Variants in TRIM66 observed in about 807,000 individuals in gnomAD.
TRIM66 encodes tripartite motif-containing protein 66.
TRIM66 carries 99 observed loss-of-function variants against 148.2 expected under a neutral mutation model. The observed-to-expected ratio is 0.67, with a 90% confidence interval of 0.57 to 0.79. TRIM66 has a LOEUF of 0.79. TRIM66 is among the 30% of genes least tolerant of loss of function. The probability of loss-of-function intolerance (pLI) is 0.00; values close to 1 mark genes in which losing one functional copy is unlikely to be tolerated. For synonymous variants in TRIM66, 616 were observed against 635.9 expected (o/e 0.97, Z 0.47); for missense variants, 1,666 against 1,697.9 (o/e 0.98, Z 0.33).
Position 8,620,560 on chromosome 11 carries a change from C to T in TRIM66, c.3558G>A (p.Val1186=), listed in dbSNP as rs1280387721. ...ALLSFPGGEW[V]CTLCRSLTQP... ...GGGTCAGGCTGCGGCACAAGGTACA[C>T]ACCCACTCTCCCCTGCAGGGGCAGG... The change falls in exon 21 of 25, where the codon GTG becomes GTA. Residue 1186 remains valine, a synonymous_variant. Coordinates refer to ENST00000646038, the MANE Select transcript of TRIM66 (RefSeq NM_001388022.1). 2 of 1,551,750 alleles carry T rather than the reference C, an allele frequency of 1.3e-6. No individual in the cohort carries two copies. Among genetic ancestry groups the T allele is most frequent in the East Asian group, 2.4e-5 (1 of 40,914 alleles).
chr11:8,681,227 G>A (rs571703858), intron 1 of TRIM66, among the ~76,000 whole-genome samples: 4 of 151,044 alleles, frequency 2.6e-5, no homozygotes, highest in Non-Finnish European at 5.9e-5. Context: ...TCCGCCTCCC[G>A]GGTTCACGCC....
At chr11:8,682,802 T>G, upstream of TRIM66, 1 of 1,613,424 alleles carries the variant, frequency 6.2e-7, no homozygotes, top group Non-Finnish European at 8.5e-7. Context: ...CTTTTTCGTC[T>G]GGGCTGCCAA....
Position 8,617,900 on chromosome 11 carries a change from G to C in TRIM66, c.*44C>G. The C allele has an allele frequency of 6.5e-7, 1 of 1,538,370 alleles. No homozygotes were observed. The highest frequency in any genetic ancestry group is 8.8e-7 in the Non-Finnish European group (1 of 1,134,838). On this transcript the variant is annotated 3_prime_UTR_variant, in exon 25 of 25. Coordinates refer to ENST00000646038, the MANE Select transcript of TRIM66 (RefSeq NM_001388022.1). ...GCAAGATGGGGAGGAATGGTCGACA[G>C]TATGGGACAACAGCTGCCAGAGTGC...
intron 17 of TRIM66, among the ~76,000 whole-genome samples, chr11:8,624,064 C>T (rs1294646109): frequency 3.3e-5 from 5 of 152,184 alleles, no homozygotes; most frequent in Non-Finnish European, 7.3e-5. Flanking sequence ...GGCTAGCCCT[C>T]CTGGGCTGAG....
At chr11:8,680,843 GA>G (rs2133584223) in intron 1 of TRIM66, 1 of 152,386 alleles carries the variant, frequency 6.6e-6, no homozygotes, top group Admixed American at 6.5e-5. Context: ...GGAAGAACCT[GA>G]AAAGAAGACT....
chr11:8,662,336 T>C (rs1017368560), intron 6 of TRIM66, among the ~76,000 whole-genome samples: 8 of 152,188 alleles, frequency 5.3e-5, no homozygotes, highest in Non-Finnish European at 8.8e-5. Context: ...TTAAGATAAG[T>C]GTCATTTCCC....
intron 6 of TRIM66, among the ~76,000 whole-genome samples, chr11:8,652,294 G>A (rs2037425235): frequency 6.6e-6 from 1 of 152,120 alleles, no homozygotes; most frequent in Admixed American, 6.5e-5. Context: ...AGTCAGTTTA[G>A]TCTGGGCACA....
At chr11:8,642,508 G>A (rs1185600479) in intron 13 of TRIM66, among the ~76,000 whole-genome samples, 1 of 152,098 alleles carries the variant, frequency 6.6e-6, no homozygotes, top group African/African-American at 2.4e-5. Context: ...CAGCAGGGAA[G>A]AAAAATGCAC....
In TRIM66 at chr11:8,671,605, T is replaced by C. The variant is rs898350643; in HGVS notation, c.340+181A>G. ...GAAAAGTTCCAGCTTACAAAACAGA[T>C]ATATTAGGCATCAAGAGGATTCACT... On this transcript the variant is annotated intron_variant, in intron 6 of 24. Coordinates refer to ENST00000646038, the MANE Select transcript of TRIM66 (RefSeq NM_001388022.1). 5 of 580,558 alleles carry C rather than the reference T, an allele frequency of 8.6e-6. No individual in the cohort carries two copies. In the African/African-American group the frequency reaches 9.3e-5, roughly 11 times the overall value. 36.0% of individuals were successfully genotyped at this position (580,558 alleles called of 1,614,324 possible).
intron 12 of TRIM66, chr11:8,644,254 C>G (rs917692054): frequency 4.3e-5 from 15 of 347,366 alleles, no homozygotes; most frequent in African/African-American, 3.2e-4. Flanking sequence ...TCCAGCCATA[C>G]CAAAGCCATG....
chr11:8,624,757 G>A lies in TRIM66; in HGVS notation c.2782C>T (p.Pro928Ser). The change falls in exon 16 of 25, where the codon CCC becomes TCC. Residue 928 changes from proline (P) to serine (S), a missense_variant. Physicochemically the swap from Pro to Ser is moderately conservative, Grantham distance 74. Around this residue, in one of 3 missense-constraint regions of TRIM66, gnomAD observed 1,431 missense variants for 1,412.4 expected, o/e 1.01. Transcript: ENST00000646038. ...SSGRTSGSLC[P>S]RDGADPSLEN... is the part of the protein sequence containing the mutation. ...AGGGAGGGATCAGCCCCATCTCTGG[G>A]ACACAGGCTCCCTGAAGTTCGGCCA... The A allele has an allele frequency of 6.5e-7, 1 of 1,547,048 alleles. No homozygotes were observed. The highest frequency in any genetic ancestry group is 1.2e-5 in the South Asian group (1 of 83,386).
intron 24 of TRIM66, among the ~76,000 whole-genome samples, chr11:8,618,345 AG>A (rs769832153): frequency 3.3e-5 from 5 of 152,200 alleles, no homozygotes; most frequent in Non-Finnish European, 5.9e-5. Context: ...ACCTACACCA[AG>A]GGGCTAAGAA....
At chr11:8,643,968 T>C (rs1376926875) in intron 12 of TRIM66, among the ~76,000 whole-genome samples, 2 of 152,216 alleles carry the variant, frequency 1.3e-5, no homozygotes, top group African/African-American at 4.8e-5. Context: ...TAGCCTCTCA[T>C]TTCATTGATC....
chr11:8,641,006 A>C lies in TRIM66; in HGVS notation c.1369T>G (p.Ser457Ala), dbSNP rs1269347108. Reference sequence around the variant, plus strand: ...ACAGATGAGGAGCACACTGCTGGAGACTGGAACTTGTGTGAGGGGTGGCTA... The same window carrying C: ...ACAGATGAGGAGCACACTGCTGGAGCCTGGAACTTGTGTGAGGGGTGGCTA... ...ALSHPSHKFQ[S>A]PAVCSSSVCC... Residue 457 changes from serine (S) to alanine (A), a missense_variant, in exon 14 of 25, where the codon TCT becomes GCT. Around this residue, in one of 3 missense-constraint regions of TRIM66, gnomAD observed 1,431 missense variants for 1,412.4 expected, o/e 1.01. Coordinates refer to ENST00000646038, the MANE Select transcript of TRIM66 (RefSeq NM_001388022.1). The C allele has an allele frequency of 1.5e-5, 24 of 1,551,316 alleles. No homozygotes were observed. In the East Asian group the frequency reaches 5.9e-4, roughly 38 times the overall value.
At chr11:8,667,278 G>A (rs2038662195) in intron 6 of TRIM66, among the ~76,000 whole-genome samples, 1 of 152,150 alleles carries the variant, frequency 6.6e-6, no homozygotes, top group South Asian at 2.1e-4. Context: ...AAATATTTAT[G>A]ACATTGGATT....
At chr11:8,662,690 T>C (rs1383438701) in intron 6 of TRIM66, among the ~76,000 whole-genome samples, 3 of 152,204 alleles carry the variant, frequency 2.0e-5, no homozygotes, top group African/African-American at 7.2e-5. Flanking sequence ...GATTCTGAAA[T>C]CTGTATCTAA....
chr11:8,633,879 G>A (rs370684917), intron 15 of TRIM66, among the ~76,000 whole-genome samples: 7 of 152,052 alleles, frequency 4.6e-5, no homozygotes, highest in Non-Finnish European at 1.0e-4. Context: ...TTAAGAGATC[G>A]GGCATCAAAA....
chr11:8,657,295 G>T (rs1011566013), intron 6 of TRIM66, among the ~76,000 whole-genome samples: 3 of 152,148 alleles, frequency 2.0e-5, no homozygotes, highest in African/African-American at 7.2e-5. Flanking sequence ...CTTGTCCAGG[G>T]CTCCAGGCAA....
intron 15 of TRIM66, among the ~76,000 whole-genome samples, chr11:8,627,052 C>T (rs1027472983): frequency 6.6e-6 from 1 of 152,214 alleles, no homozygotes; most frequent in Non-Finnish European, 1.5e-5. Context: ...AGACTAGGTT[C>T]CTGCTTTTAT....
Sources: gnomAD v4.1 joint callset for allele counts (sites outside exome capture counted in the v4.1 genomes callset) on GRCh38, gnomAD v4.1.1 for gene constraint, gnomAD v4.1.1 regional missense constraint, MANE v1.5 for transcripts, NCBI Gene and HGNC (gene_info 2026-07-23, HGNC 2026-07-21) for gene names.